MDGA2: variants seen among roughly 807,000 people sequenced by gnomAD.
The protein encoded by MDGA2 is MAM domain containing glycosylphosphatidylinositol anchor 2, also known as MAM domain-containing glycosylphosphatidylinositol anchor protein 2.
A neutral mutation model predicts 117.8 loss-of-function variants in MDGA2; 40 were observed. The ratio of observed to expected loss-of-function variants is 0.34; its 90% CI spans 0.26 to 0.44. The LOEUF is 0.44. Ranked by LOEUF, MDGA2 falls within the 20% of genes least tolerant of loss-of-function variation. MDGA2 has a pLI of 1.00. For missense variants in MDGA2, 1,123 were observed against 1,250.6 expected, an observed-to-expected ratio of 0.90 and a Z score of 1.54; for synonymous variants, 452 against 439.0, an observed-to-expected ratio of 1.03 and a Z score of -0.37.
chr14:47,015,558 G>C (rs12894688), intron 8 of MDGA2, among the ~76,000 whole-genome samples: 128,790 of 151,988 alleles, frequency 0.85, 54,737 homozygotes, highest in East Asian at 0.97. Flanking sequence ...ATGGAGAGTA[G>C]GTGTGGAAAA....
intron 10 of MDGA2, among the ~76,000 whole-genome samples, chr14:46,899,047 C>T (rs918261172): frequency 5.3e-5 from 8 of 151,890 alleles, no homozygotes; most frequent in Admixed American, 1.3e-4. Context: ...AAATCGCAGC[C>T]GCTAATGGAA....
intron 1 of MDGA2, among the ~76,000 whole-genome samples, chr14:47,615,046 G>A (rs1475862500): frequency 1.3e-5 from 2 of 151,810 alleles, no homozygotes; most frequent in African/African-American, 4.8e-5. Context: ...TTCTCGGGTA[G>A]AATTCATTAT....
At chr14:47,604,891 T>C (rs1233306859) in intron 1 of MDGA2, among the ~76,000 whole-genome samples, 2 of 152,092 alleles carry the variant, frequency 1.3e-5, no homozygotes, top group Non-Finnish European at 2.9e-5. Context: ...AGCCCAGCCA[T>C]CCCAGCTGAC....
chr14:47,107,137 T>C (rs368060945), intron 5 of MDGA2, among the ~76,000 whole-genome samples: 1 of 150,112 alleles, frequency 6.7e-6, no homozygotes, highest in Admixed American at 6.7e-5. Flanking sequence ...TACCATCTCA[T>C]TAAAACCTAA....
chr14:47,657,098 A>G lies in MDGA2; in HGVS notation c.280+17419T>C, dbSNP rs571316352. 1.5e-3 allele frequency among the ~76,000 whole-genome samples: 234 copies of G among 152,272 alleles called. 1 individual carries two copies. The highest frequency in any genetic ancestry group is 5.5e-3 in the African/African-American group (230 of 41,562). On this transcript the variant is annotated intron_variant, in intron 1 of 16. Transcript: ENST00000399232. ...CATATGTCAGTGAAGATGCCAGCAG[A>G]TGATTCCAGCCTCCAGATGTCAAGT... is the stretch of plus-strand genomic sequence containing the variant.
At chr14:46,904,510 G>A (rs529833108) in intron 10 of MDGA2, among the ~76,000 whole-genome samples, 73 of 152,088 alleles carry the variant, frequency 4.8e-4, no homozygotes, top group Non-Finnish European at 9.1e-4. Flanking sequence ...AGAATATGTA[G>A]CTATCCAGAG....
chr14:47,058,656 A>G (rs1889769070), intron 7 of MDGA2: 1 of 985,022 alleles, frequency 1.0e-6, no homozygotes, highest in Non-Finnish European at 1.2e-6. Context: ...GTTGAATCAT[A>G]CAATCTCAGA....
intron 2 of MDGA2, among the ~76,000 whole-genome samples, chr14:47,298,513 C>T (rs938573775): frequency 6.6e-6 from 1 of 152,010 alleles, no homozygotes; most frequent in South Asian, 2.1e-4. Flanking sequence ...TCAGATTAGA[C>T]CAAGCGAGAA....
At chr14:47,519,873 C>T (rs1360727303) in intron 1 of MDGA2, among the ~76,000 whole-genome samples, 1 of 152,166 alleles carries the variant, frequency 6.6e-6, no homozygotes, top group Non-Finnish European at 1.5e-5. Flanking sequence ...TCCCCCATCT[C>T]AGTATTACTT....
chr14:47,471,578 T>C (rs957447571), intron 1 of MDGA2, among the ~76,000 whole-genome samples: 1 of 152,132 alleles, frequency 6.6e-6, no homozygotes, highest in Non-Finnish European at 1.5e-5. Flanking sequence ...TATTTTTAAT[T>C]TAAAAACATC....
intron 8 of MDGA2, among the ~76,000 whole-genome samples, chr14:46,978,176 A>C (rs915340145): frequency 5.9e-5 from 9 of 151,980 alleles, no homozygotes; most frequent in Admixed American, 3.9e-4. Flanking sequence ...CAGTAGCTGT[A>C]AAATTGTGTC....
chr14:47,046,536 CACATGTGT>C (rs1448732589), intron 7 of MDGA2, among the ~76,000 whole-genome samples: 1 of 151,528 alleles, frequency 6.6e-6, no homozygotes, highest in Non-Finnish European at 1.5e-5. Flanking sequence ...ACCAACATGG[CACATGTGT>C]ACATATGTAA....
chr14:46,942,453 G>T (rs1476018506), intron 9 of MDGA2, among the ~76,000 whole-genome samples: 1 of 151,966 alleles, frequency 6.6e-6, no homozygotes, highest in Non-Finnish European at 1.5e-5. Flanking sequence ...TTTTAAATGT[G>T]ATTATTGATG....
At chr14:47,384,295 C>A (rs1382864197) in intron 1 of MDGA2, among the ~76,000 whole-genome samples, 1 of 150,084 alleles carries the variant, frequency 6.7e-6, no homozygotes, top group African/African-American at 2.5e-5. Flanking sequence ...TGCTGAGCCA[C>A]ATGAGGGGAT....
At chr14:47,288,147 A>G (rs1888753249) in intron 2 of MDGA2, among the ~76,000 whole-genome samples, 1 of 152,308 alleles carries the variant, frequency 6.6e-6, no homozygotes, top group Admixed American at 6.5e-5. Flanking sequence ...CACACAATTC[A>G]GGCACTTGCC....
At chr14:46,880,992 A>G (rs1246773686) in intron 11 of MDGA2, among the ~76,000 whole-genome samples, 2 of 132,330 alleles carry the variant, frequency 1.5e-5, no homozygotes, top group Non-Finnish European at 3.2e-5. Context: ...ATAGTTAATA[A>G]AAAGAAAACT....
intron 12 of MDGA2, among the ~76,000 whole-genome samples, chr14:46,877,229 A>G (rs1486930153): frequency 1.3e-5 from 2 of 151,676 alleles, no homozygotes; most frequent in Non-Finnish European, 3.0e-5. Context: ...AATAGCAAAT[A>G]TTAAGCAGGT....
At chr14:47,081,864 A>G (rs1397834022) in intron 6 of MDGA2, among the ~76,000 whole-genome samples, 1 of 152,146 alleles carries the variant, frequency 6.6e-6, no homozygotes, top group African/African-American at 2.4e-5. Flanking sequence ...GCTGTTGATC[A>G]TTACATTGTA....
intron 1 of MDGA2, among the ~76,000 whole-genome samples, chr14:47,310,192 C>T (rs1178842448): frequency 6.6e-6 from 1 of 152,060 alleles, no homozygotes; most frequent in African/African-American, 2.4e-5. Flanking sequence ...CTATTAGCAT[C>T]TAAGCCTAAA....
Sources: allele counts gnomAD v4.1 joint callset (sites outside exome capture counted in the v4.1 genomes callset), GRCh38; gene constraint gnomAD v4.1.1; transcripts MANE v1.5; gene names NCBI Gene and HGNC (gene_info 2026-07-23, HGNC 2026-07-21).